JAK2: variants seen among roughly 807,000 people sequenced by gnomAD.
JAK2 encodes the protein tyrosine-protein kinase JAK2.
In JAK2, 86 loss-of-function variants were observed where a neutral mutation model predicts 139.3. That is an observed-to-expected ratio of 0.62 (90% CI 0.52 to 0.74). JAK2 has a LOEUF of 0.74. Ranked by LOEUF, JAK2 falls within the 30% of genes least tolerant of loss-of-function variation. JAK2 has a pLI of 0.00. For synonymous variants in JAK2, 490 were observed against 437.7 expected, an observed-to-expected ratio of 1.12 and a Z score of -1.49; for missense variants, 1,421 against 1,360.3, an observed-to-expected ratio of 1.04 and a Z score of -0.70.
intron 14 of JAK2, among the ~76,000 whole-genome samples, 160 bp from the exon 15 acceptor site, chr9:5,077,293 A>C (rs544403022): frequency 1.3e-5 from 2 of 151,004 alleles, no homozygotes; most frequent in South Asian, 4.2e-4. Flanking sequence ...AACCAAAAAT[A>C]TAATGCTGTG....
At position 5,081,255 on chromosome 9, in the gene JAK2, T is replaced by C. The variant is rs10121004; in HGVS notation, c.2435-470T>C. ...TTTCCATTTAGTGAGTTGTAAATTA[T>C]AGTATTTTTTTTTTGCTTAAATTGA... is the stretch of plus-strand genomic sequence containing the variant. On this transcript the variant is annotated intron_variant, in intron 18 of 24. Transcript: ENST00000381652. 4.0e-3 allele frequency among the ~76,000 whole-genome samples: 403 copies of C among 99,846 alleles called. 1 individual carries two copies. Among genetic ancestry groups the C allele is most frequent in the African/African-American group, 0.024 (381 of 15,976 alleles). 65.5% of individuals were successfully genotyped at this position (99,846 alleles called of 152,430 possible).
rs560540356 is a variant in JAK2 at position 5,054,432 on chromosome 9, C to T, written c.615-131C>T. ...TATGGATGGGGGTTATGTCAACTTA[C>T]GCCACTTGGCCACTGTGTTGTAAGG... On this transcript the variant is annotated intron_variant, in intron 6 of 24. Coordinates refer to ENST00000381652, the MANE Select transcript of JAK2 (RefSeq NM_004972.4). The surrounding 1 kb of genome is among the most constrained non-coding windows in gnomAD (Gnocchi z 4.9). 8.9e-6 allele frequency: 6 copies of T among 671,928 alleles called. No homozygotes were observed. Among genetic ancestry groups the T allele is most frequent in the South Asian group, 2.0e-5 (1 of 49,416 alleles). 41.6% of individuals were successfully genotyped at this position (671,928 alleles called of 1,614,324 possible).
At position 5,106,617 on chromosome 9, in the gene JAK2, A is replaced by G. The variant is rs536092459; in HGVS notation, c.3059+15706A>G. On this transcript the variant is annotated intron_variant, in intron 22 of 24. Transcript: ENST00000381652. The stretch of plus-strand genomic sequence containing the variant: ...CATGCCCATGTATGTTTACTGTGGC[A>G]CTATTCACAATAGCAAAGACTTGGA... 3.1e-3 allele frequency among the ~76,000 whole-genome samples: 471 copies of G among 152,322 alleles called. 1 individual carries two copies. The highest frequency in any genetic ancestry group is 0.011 in the African/African-American group (452 of 41,568).
chr9:4,987,728 T>G (rs1399877949), intron 2 of JAK2, among the ~76,000 whole-genome samples: 1 of 100,222 alleles, frequency 1.0e-5, no homozygotes, highest in African/African-American at 4.6e-5. Flanking sequence ...ACAGCAAGAC[T>G]CTGTCTAAAA....
intron 5 of JAK2, among the ~76,000 whole-genome samples, chr9:5,044,992 G>A (rs1816898814): frequency 1.3e-5 from 2 of 152,280 alleles, no homozygotes; most frequent in South Asian, 4.1e-4. Flanking sequence ...GTGACTGGAT[G>A]TTGATACTTA....
At chr9:5,125,691 A>G (rs997440750) in intron 23 of JAK2, among the ~76,000 whole-genome samples, 2 of 82,578 alleles carry the variant, frequency 2.4e-5, no homozygotes, top group Non-Finnish European at 4.6e-5. Context: ...TGCCAAGTTG[A>G]TAGGGGAGAA....
intron 6 of JAK2, among the ~76,000 whole-genome samples, chr9:5,053,215 C>G (rs1020278364): frequency 1.3e-5 from 2 of 152,148 alleles, no homozygotes; most frequent in Non-Finnish European, 2.9e-5. Flanking sequence ...GTTCATTTCT[C>G]TAATGACTAC....
At chr9:5,026,408 G>A (rs931491579) in intron 3 of JAK2, among the ~76,000 whole-genome samples, 3 of 152,074 alleles carry the variant, frequency 2.0e-5, no homozygotes, top group South Asian at 2.1e-4. Flanking sequence ...ATAACTTACC[G>A]AAATTATTAC....
At chr9:5,018,173 C>T (rs548061284) in intron 2 of JAK2, among the ~76,000 whole-genome samples, 1 of 151,648 alleles carries the variant, frequency 6.6e-6, no homozygotes, top group Admixed American at 6.6e-5. Flanking sequence ...GTCCTTTGTT[C>T]TTTTCTTTCT....
Position 5,085,791 on chromosome 9 carries a change from G to A in JAK2, c.2572-3883G>A, listed in dbSNP as rs578187119. The A allele has an allele frequency of 4.6e-5, 35 of 755,170 alleles. No homozygotes were observed. In the South Asian group the frequency reaches 4.8e-4, roughly 10 times the overall value. The allele number at this position is 755,170 out of a possible 1,614,324, so 46.8% of individuals were successfully genotyped here. A position where few individuals can be genotyped will look rare whatever the true frequency, so the allele number is the denominator to read the frequency against. ...GGAGTTATTATGATGAATATTACAT[G>A]CTCGGGCCATTAGTACCACAATAAT... On this transcript the variant is annotated intron_variant, in intron 19 of 24. Coordinates refer to ENST00000381652, the MANE Select transcript of JAK2 (RefSeq NM_004972.4).
chr9:5,012,740 G>A (rs894713458), intron 2 of JAK2, among the ~76,000 whole-genome samples: 10 of 152,294 alleles, frequency 6.6e-5, no homozygotes, highest in Admixed American at 4.6e-4. Flanking sequence ...GAATTATAAG[G>A]TATTGAAGCC....
chr9:5,104,588 C>G lies in JAK2; in HGVS notation c.3059+13677C>G, dbSNP rs546870253. 2.6e-5 allele frequency among the ~76,000 whole-genome samples: 4 copies of G among 152,294 alleles called. No homozygotes were observed. In the South Asian group the frequency reaches 8.3e-4, roughly 32 times the overall value. On this transcript the variant is annotated intron_variant, in intron 22 of 24. Transcript: ENST00000381652. ...GGCCAGCATCAGCCCGATACCAAAG[C>G]CTAGCAGAGACACCACAAAAAAATA...
At chr9:5,006,231 T>G (rs1003641648) in intron 2 of JAK2, among the ~76,000 whole-genome samples, 1 of 147,510 alleles carries the variant, frequency 6.8e-6, no homozygotes, top group Non-Finnish European at 1.5e-5. Context: ...GTTGGATTCC[T>G]AGGTATTTTA....
intron 2 of JAK2, among the ~76,000 whole-genome samples, chr9:4,991,706 C>A (rs1466848326): frequency 6.9e-6 from 1 of 144,190 alleles, no homozygotes; most frequent in Non-Finnish European, 1.5e-5. Flanking sequence ...CCCCACATCT[C>A]CTTTTCTAGT....
intron 2 of JAK2, among the ~76,000 whole-genome samples, chr9:5,003,094 T>C (rs1821026757): frequency 6.6e-6 from 1 of 151,986 alleles, no homozygotes; most frequent in South Asian, 2.1e-4. Context: ...TGTCTATTTG[T>C]TCATTTTTGT....
intron 2 of JAK2, 47 bp downstream of exon 2, chr9:4,986,069 G>C (rs550629897): frequency 6.5e-6 from 1 of 152,730 alleles, no homozygotes; most frequent in East Asian, 1.9e-4. Flanking sequence ...AAGGTGTCTG[G>C]AGCTGGGAGT....
At chr9:5,014,382 C>T (rs1398905963) in intron 2 of JAK2, among the ~76,000 whole-genome samples, 7 of 152,124 alleles carry the variant, frequency 4.6e-5, no homozygotes, top group African/African-American at 7.2e-5. Context: ...ATATACTCTT[C>T]ATTTATTCAA....
intron 2 of JAK2, among the ~76,000 whole-genome samples, chr9:4,990,997 A>G (rs1820210268): frequency 6.6e-6 from 1 of 152,140 alleles, no homozygotes. Flanking sequence ...TCCAGGTACT[A>G]TTCTTCCTGT....
chr9:5,092,953 G>A (rs12000084), intron 22 of JAK2, among the ~76,000 whole-genome samples: 12,711 of 152,076 alleles, frequency 0.084, 1,625 homozygotes, highest in African/African-American at 0.28. Flanking sequence ...AAATAACATC[G>A]CCATAGTTGG....
Sources: gnomAD v4.1 joint callset for allele counts (sites outside exome capture counted in the v4.1 genomes callset) on GRCh38, gnomAD v4.1.1 for gene constraint, Gnocchi (gnomAD v3.1) non-coding constraint, MANE v1.5 for transcripts, NCBI Gene and HGNC (gene_info 2026-07-23, HGNC 2026-07-21) for gene names.